The following TTN variants were observed in gnomAD, a reference collection of about 807,000 sequenced individuals.
TTN encodes connectin.
In TTN, 1,525 loss-of-function variants were observed where a neutral mutation model predicts 3,223.0. The ratio of observed to expected loss-of-function variants is 0.47; its 90% confidence interval spans 0.45 to 0.49. The LOEUF is 0.49. TTN is among the 20% of genes least tolerant of loss of function. TTN has a pLI of 0.00. For synonymous variants in TTN, 14,094 were observed against 15,161.0 expected (o/e 0.93, Z 5.17); for missense variants, 40,786 against 43,424.0 (o/e 0.94, Z 5.40).
At chr2:178,619,417 C>T (rs766569642) in intron 250 of TTN, 3 of 615,390 alleles carry the variant, frequency 4.9e-6, no homozygotes, top group South Asian at 2.1e-5. Flanking sequence ...CTGTCCAAGG[C>T]TCTGGCATGT....
In TTN at chr2:178,582,506, C is replaced by T; in HGVS notation, c.65950G>A (p.Gly21984Arg). The change falls in exon 314 of 363, where the codon GGA becomes AGA. Residue 21984 changes from glycine (G) to arginine (R), a missense_variant. By Grantham distance (125) the Gly-to-Arg change is moderately radical. Transcript: ENST00000589042. ...MLSWEPPLED[G>R]GSEITNYIVD... ...ATATAGTTGGTGATTTCTGAGCCTC[C>T]ATCTTCAAGAGGCGGTTCCCAAGAA... 1 of 1,612,962 alleles carries T rather than the reference C, an allele frequency of 6.2e-7. No individual in the cohort carries two copies. Among genetic ancestry groups the T allele is most frequent in the Non-Finnish European group, 8.5e-7 (1 of 1,179,302 alleles).
rs397517803 is a variant in TTN, at chr2:178,751,232, G to A, written c.11311+1892C>T. 17 of 1,606,960 alleles carry A rather than the reference G, an allele frequency of 1.1e-5. No homozygotes were observed. Among genetic ancestry groups the A allele is most frequent in the Middle Eastern group, 1.7e-4 (1 of 6,004 alleles). ...AGTTCTTGAGCTTATTTCAGAAGACGTATCTAAAAGAGATAATTTCTTTTT... is the reference window on the plus strand; with the variant it reads ...AGTTCTTGAGCTTATTTCAGAAGACATATCTAAAAGAGATAATTTCTTTTT... On this transcript the variant is annotated intron_variant, in intron 47 of 362. Transcript: ENST00000589042.
intron 147 of TTN, among the ~76,000 whole-genome samples, chr2:178,676,360 G>T (rs1169226553): frequency 2.0e-5 from 3 of 151,846 alleles, no homozygotes; most frequent in Non-Finnish European, 2.9e-5. Flanking sequence ...TCCAATAAAA[G>T]ATCAGCTTTA....
In TTN at chr2:178,546,320, C is replaced by G. The variant is rs1225295047; in HGVS notation, c.95011G>C (p.Ala31671Pro). 6.2e-7 allele frequency: 1 copy of G among 1,613,856 alleles called. No individual in the cohort carries two copies. The highest frequency in any genetic ancestry group is 1.7e-5 in the Admixed American group (1 of 60,012). Residue 31671 changes from alanine (A) to proline (P), a missense_variant, in exon 342 of 363, where the codon GCA (alanine) becomes CCA (proline). By Grantham distance (27) the Ala-to-Pro change is conservative. Transcript: ENST00000589042. ...TCACAGAACTTGATCACAGCAGTTG[C>G]TCGTTTGCCAGTATACTGCAAAGAG... ...KVSLQYTGKRATAVIKFCDRS... is the reference protein window; with the variant it reads ...KVSLQYTGKRPTAVIKFCDRS...
At chr2:178,667,781 T>A in intron 159 of TTN, 60 bp from the exon 160 acceptor site, 1 of 1,210,640 alleles carries the variant, frequency 8.3e-7, no homozygotes, top group Non-Finnish European at 1.2e-6. Flanking sequence ...AGAAGTGTAT[T>A]AAGAAAAATA....
chr2:178,678,483 T>G lies in TTN; in HGVS notation c.33841A>C (p.Lys11281Gln). The G allele has an allele frequency of 2.5e-6, 4 of 1,588,722 alleles. No individual in the cohort carries two copies. Among genetic ancestry groups the G allele is most frequent in the South Asian group, 1.2e-5 (1 of 85,644 alleles). ...ACCTTCTTCTCAGGCACAGGCTTCT[T>G]GGGTACCTCTGGCACTTTAACGAAA... ...APPAKVPEVP[K>Q]KPVPEKKVPV... Residue 11281 changes from lysine (K) to glutamine (Q), a missense_variant, in exon 144 of 363, where the codon AAG (lysine) becomes CAG (glutamine). Physicochemically the swap from Lys to Gln is moderately conservative, Grantham distance 53. Transcript: ENST00000589042.
chr2:178,711,007 C>A, intron 97 of TTN, 55 bp downstream of exon 97: 1 of 1,548,366 alleles, frequency 6.5e-7, no homozygotes, highest in South Asian at 1.3e-5. Flanking sequence ...TCCCTAAGTT[C>A]ATATTTGATT....
Position 178,569,080 on chromosome 2 carries a change from G to A in TTN, c.77052C>T (p.Gly25684=), listed in dbSNP as rs372543652. The change falls in exon 326 of 363, where the codon GGC becomes GGT. Residue 25684 remains glycine (G), a synonymous_variant. Transcript: ENST00000589042. The part of the protein sequence containing the change: ...RVTAENEYGI[G]LPAQTADPIK... The stretch of plus-strand genomic sequence containing the variant: ...TTGGATCAGCAGTCTGGGCAGGAAG[G>A]CCAATACCATACTCATTCTCAGCTG... The A allele has an allele frequency of 1.0e-4, 168 of 1,613,256 alleles. No individual in the cohort carries two copies. The highest frequency in any genetic ancestry group is 1.3e-4 in the Non-Finnish European group (157 of 1,179,558).
chr2:178,579,438 C>G (rs1214498900), intron 319 of TTN, 45 bp from the exon 320 acceptor site: 5 of 1,557,696 alleles, frequency 3.2e-6, no homozygotes, highest in Non-Finnish European at 4.3e-6. Flanking sequence ...TAAGGCCAGG[C>G]GATTAACTTT....
intron 359 of TTN, 72 bp from the exon 360 acceptor site, chr2:178,529,291 C>T (rs1254602535): frequency 9.4e-6 from 11 of 1,169,818 alleles, no homozygotes; most frequent in African/African-American, 1.6e-5. Flanking sequence ...CTAGATTCTG[C>T]GTGTGAAAAA....
At chr2:178,550,895 C>G in intron 336 of TTN, 72 bp downstream of exon 336, 1 of 1,442,494 alleles carries the variant, frequency 6.9e-7, no homozygotes, top group Non-Finnish European at 9.4e-7. Context: ...ATTTTACAGG[C>G]CAGGGGCCAA....
intron 29 of TTN, 60 bp from the exon 30 acceptor site, chr2:178,774,533 G>A: frequency 6.6e-7 from 1 of 1,523,268 alleles, no homozygotes; most frequent in Non-Finnish European, 9.0e-7. Flanking sequence ...TCTAGACTTA[G>A]GATAGAGATG....
Position 178,730,986 on chromosome 2 carries a change from A to G in TTN, c.17679T>C (p.Tyr5893=). 1 of 1,613,424 alleles carries G rather than the reference A, an allele frequency of 6.2e-7. No homozygotes were observed. The highest frequency in any genetic ancestry group is 8.5e-7 in the Non-Finnish European group (1 of 1,179,576). Residue 5893 remains tyrosine, a synonymous_variant, in exon 60 of 363, where the codon TAT becomes TAC. Coordinates refer to ENST00000589042, the MANE Select transcript of TTN (RefSeq NM_001267550.2). ...CAACATCATTTTGGACCTCGAAAGT[A>G]TATTCTCCACTATCTTTCTTTTCTG... The part of the protein sequence containing the change: ...ISTEKKDSGE[Y]TFEVQNDVGR...
At position 178,734,805 on chromosome 2, in the gene TTN, T is replaced by C. The variant is rs1315700657; in HGVS notation, c.15119A>G (p.Asp5040Gly). The change falls in exon 51 of 363, where the codon GAT becomes GGT. Residue 5040 changes from aspartate (D) to glycine (G), a missense_variant. Physicochemically the swap from Asp to Gly is moderately conservative, Grantham distance 94. Coordinates refer to ENST00000589042, the MANE Select transcript of TTN (RefSeq NM_001267550.2). ...MYFVNSEAIL[D>G]ITDVKVEDSG... ...GTCTTCAACTTTTACATCCGTAATATCAAGTATAGCCTCAGAATTGACAAA... is the reference window on the plus strand; with the variant it reads ...GTCTTCAACTTTTACATCCGTAATACCAAGTATAGCCTCAGAATTGACAAA... The C allele has an allele frequency of 6.2e-7, 1 of 1,613,854 alleles. No homozygotes were observed. The highest frequency in any genetic ancestry group is 2.2e-5 in the East Asian group (1 of 44,862).
intron 156 of TTN, among the ~76,000 whole-genome samples, 169 bp from the exon 157 acceptor site, chr2:178,670,464 A>G (rs1300000875): frequency 2.6e-5 from 4 of 151,948 alleles, no homozygotes; most frequent in African/African-American, 7.2e-5. Context: ...TAAAAAATAT[A>G]TAATAACAAA....
rs772268509 is a variant in TTN at position 178,722,472 on chromosome 2, T to G, written c.22315A>C (p.Thr7439Pro). 2 of 1,613,454 alleles carry G rather than the reference T, an allele frequency of 1.2e-6. No individual in the cohort carries two copies. Among genetic ancestry groups the G allele is most frequent in the Non-Finnish European group, 1.7e-6 (2 of 1,179,544 alleles). ...EQTVGLPVTL[T>P]CRLNGSAPIQ... ...GGTGCAGAGCCATTTAATCGACAAG[T>G]GAGTGTAACAGGTAACCCCACAGTT... The change falls in exon 77 of 363, where the codon ACT becomes CCT. Residue 7439 changes from threonine (T) to proline (P), a missense_variant. Coordinates refer to ENST00000589042, the MANE Select transcript of TTN (RefSeq NM_001267550.2).
chr2:178,570,576 C>T lies in TTN; in HGVS notation c.75556G>A (p.Ala25186Thr). The T allele has an allele frequency of 6.2e-7, 1 of 1,613,334 alleles. No individual in the cohort carries two copies. The highest frequency in any genetic ancestry group is 1.1e-5 in the South Asian group (1 of 91,076). The change falls in exon 326 of 363, where the codon GCC becomes ACC. Residue 25186 changes from alanine (A) to threonine (T), a missense_variant. Physicochemically the swap from Ala to Thr is moderately conservative, Grantham distance 58. Coordinates refer to ENST00000589042, the MANE Select transcript of TTN (RefSeq NM_001267550.2). ...RVDSGNYILK[A>T]KNVAGERSVT... ...GATCTTTCTCCTGCAACATTTTTGG[C>T]CTTCAGTATGTAATTTCCACTGTCG...
In TTN at chr2:178,615,356, G is replaced by C. The variant is rs748917057; in HGVS notation, c.48589C>G (p.Arg16197Gly). The C allele has an allele frequency of 1.2e-6, 2 of 1,612,416 alleles. No homozygotes were observed. The highest frequency in any genetic ancestry group is 2.2e-5 in the South Asian group (2 of 90,988). ...IKGYIVERCP[R>G]GSDKWVACGE... is the part of the protein sequence containing the mutation. ...CAGGCAACCCATTTATCAGAACCAC[G>C]TGGACATCTTTCAACTATATATCCT... Residue 16197 changes from arginine to glycine, a missense_variant, in exon 259 of 363, where the codon CGT (arginine) becomes GGT (glycine). Arg to Gly is a moderately radical substitution (Grantham distance 125). Coordinates refer to ENST00000589042, the MANE Select transcript of TTN (RefSeq NM_001267550.2).
chr2:178,548,424 C>A lies in TTN; in HGVS notation c.93202G>T (p.Glu31068Ter). 1 of 1,613,844 alleles carries A rather than the reference C, an allele frequency of 6.2e-7. No homozygotes were observed. The highest frequency in any genetic ancestry group is 8.5e-7 in the Non-Finnish European group (1 of 1,179,808). Residue 31068 changes from glutamate to a stop codon, truncating the protein, a stop_gained, in exon 339 of 363, where the codon GAA becomes TAA. Coordinates refer to ENST00000589042, the MANE Select transcript of TTN (RefSeq NM_001267550.2). LOFTEE classifies it high-confidence loss of function. The surrounding 1 kb of genome is among the most constrained non-coding windows in gnomAD (Gnocchi z 4.3). ...TTGAAGATCTGACGAGTGCATTTTT[C>A]ACTGATAACCTGCCAACTACGGCGA... Reference protein sequence around the residue: ...ASRRSWQVISEKCTRQIFKVN... With the variant: ...ASRRSWQVIS
Sources: allele counts gnomAD v4.1 joint callset (sites outside exome capture counted in the v4.1 genomes callset), GRCh38; gene constraint gnomAD v4.1.1; non-coding constraint Gnocchi (gnomAD v3.1); transcripts MANE v1.5; gene names NCBI Gene and HGNC (gene_info 2026-07-23, HGNC 2026-07-21).